NCAM2: variants seen among roughly 807,000 people sequenced by gnomAD.
The protein encoded by NCAM2 is neural cell adhesion molecule 2, also known as N-CAM-2.
A neutral mutation model predicts 98.1 loss-of-function variants in NCAM2; 30 were observed. The observed-to-expected ratio is 0.31, with a 90% CI of 0.23 to 0.41. The LOEUF (loss-of-function observed/expected upper bound fraction) is 0.41, where lower values mean the gene tolerates loss of function less well. NCAM2 is among the 10% of genes least tolerant of loss of function. The probability of loss-of-function intolerance (pLI) is 1.00; values close to 1 mark genes in which losing one functional copy is unlikely to be tolerated. For synonymous variants in NCAM2, 368 were observed against 342.4 expected (o/e 1.07, Z -0.83); for missense variants, 867 against 1,005.8 (o/e 0.86, Z 1.87).
chr21:21,100,083 G>A (rs2066209518), intron 1 of NCAM2, among the ~76,000 whole-genome samples: 1 of 151,848 alleles, frequency 6.6e-6, no homozygotes, highest in South Asian at 2.1e-4. Context: ...GCCAAAAACA[G>A]CAAAGAAAAT....
chr21:21,262,183 A>C (rs867404327), intron 1 of NCAM2, among the ~76,000 whole-genome samples: 2 of 152,152 alleles, frequency 1.3e-5, no homozygotes, highest in South Asian at 4.1e-4. Context: ...TGAACAGAAC[A>C]ATAACAAGTT....
chr21:21,455,751 G>A (rs146743967), intron 12 of NCAM2, among the ~76,000 whole-genome samples: 9 of 151,896 alleles, frequency 5.9e-5, no homozygotes, highest in African/African-American at 1.9e-4. Flanking sequence ...TAAATAACTT[G>A]AAAATGAAAA....
intron 2 of NCAM2, among the ~76,000 whole-genome samples, chr21:21,280,992 T>C (rs980348719): frequency 6.6e-6 from 1 of 152,082 alleles, no homozygotes; most frequent in Non-Finnish European, 1.5e-5. Flanking sequence ...GGTTTCACCA[T>C]GTTGGCCAGG....
intron 1 of NCAM2, among the ~76,000 whole-genome samples, chr21:21,149,427 C>T (rs75502797): frequency 0.022 from 3,351 of 152,120 alleles, 65 homozygotes; most frequent in Admixed American, 0.052. Flanking sequence ...ACCTTAAGTT[C>T]TGGGATACAT....
At chr21:21,438,124 T>A (rs1978666168) in intron 12 of NCAM2, among the ~76,000 whole-genome samples, 1 of 152,174 alleles carries the variant, frequency 6.6e-6, no homozygotes. Flanking sequence ...ATCTTTTCCC[T>A]CTGAGCAGCT....
In NCAM2 at chr21:21,290,873, G is replaced by A. The variant is rs370940319; in HGVS notation, c.482-1231G>A. Among the ~76,000 whole-genome samples the A allele has an allele frequency of 5.3e-5, 8 of 151,890 alleles. 1 individual carries two copies. Among genetic ancestry groups the A allele is most frequent in the African/African-American group, 1.9e-4 (8 of 41,472 alleles). On this transcript the variant is annotated intron_variant, in intron 4 of 17. Coordinates refer to ENST00000400546, the MANE Select transcript of NCAM2 (RefSeq NM_004540.5). ...TGGCCTACTACCCTAGCAGTTTATG[G>A]CTCACTCATGCAAAGTCCAGTTGGC...
At chr21:21,148,977 TC>T (rs2067368267) in intron 1 of NCAM2, among the ~76,000 whole-genome samples, 1 of 152,154 alleles carries the variant, frequency 6.6e-6, no homozygotes, top group Non-Finnish European at 1.5e-5. Flanking sequence ...ATTACTAATG[TC>T]CCTTTTCAAA....
At chr21:21,081,814 A>G (rs1454307701) in intron 1 of NCAM2, among the ~76,000 whole-genome samples, 1 of 151,698 alleles carries the variant, frequency 6.6e-6, no homozygotes, top group Non-Finnish European at 1.5e-5. Context: ...GAAAAAGAAA[A>G]AAAAAGAAAA....
intron 15 of NCAM2, among the ~76,000 whole-genome samples, chr21:21,499,889 G>A (rs1390895736): frequency 1.3e-5 from 2 of 151,988 alleles, no homozygotes; most frequent in Admixed American, 6.6e-5. Flanking sequence ...CACAAAATGG[G>A]TGAAAAATAT....
At chr21:21,105,995 A>G (rs2066336857) in intron 1 of NCAM2, among the ~76,000 whole-genome samples, 1 of 152,122 alleles carries the variant, frequency 6.6e-6, no homozygotes, top group African/African-American at 2.4e-5. Flanking sequence ...ATCTATATAT[A>G]TAAGTGTAAA....
rs113618333 is a variant in NCAM2 at position 21,003,124 on chromosome 21, T to G, written c.55+4506T>G. Among the ~76,000 whole-genome samples the G allele has an allele frequency of 4.3e-3, 655 of 152,242 alleles. 4 individuals are homozygous for G. The highest frequency in any genetic ancestry group is 0.014 in the African/African-American group (599 of 41,548). On this transcript the variant is annotated intron_variant, in intron 1 of 17. Coordinates refer to ENST00000400546, the MANE Select transcript of NCAM2 (RefSeq NM_004540.5). ...TAAGAGTACTAATCACAAATAGATA[T>G]CAACATATTTCCTAGTTTTCTATGT...
intron 1 of NCAM2, among the ~76,000 whole-genome samples, chr21:21,257,120 A>G (rs1380395963): frequency 6.6e-6 from 1 of 152,188 alleles, no homozygotes; most frequent in Non-Finnish European, 1.5e-5. Flanking sequence ...TCTTTGTACT[A>G]TTTCAGTCTT....
intron 1 of NCAM2, among the ~76,000 whole-genome samples, chr21:21,201,948 T>C (rs893879175): frequency 2.0e-5 from 3 of 152,144 alleles, no homozygotes; most frequent in Admixed American, 6.5e-5. Context: ...TTCCAGGTGG[T>C]CTAACTGTAT....
chr21:21,088,436 G>A (rs959986831), intron 1 of NCAM2, among the ~76,000 whole-genome samples: 5 of 152,036 alleles, frequency 3.3e-5, no homozygotes, highest in African/African-American at 1.2e-4. Context: ...AAATATGCTG[G>A]GTTGGGATTC....
chr21:21,037,542 G>T (rs924759424), intron 1 of NCAM2, among the ~76,000 whole-genome samples: 4 of 152,128 alleles, frequency 2.6e-5, no homozygotes, highest in Admixed American at 6.5e-5. Context: ...ATAATTCTTA[G>T]TAATAAGAAA....
intron 15 of NCAM2, among the ~76,000 whole-genome samples, chr21:21,508,113 TG>T (rs1386193099): frequency 5.3e-5 from 8 of 152,188 alleles, no homozygotes; most frequent in Admixed American, 2.0e-4. Flanking sequence ...TTATGTCTTT[TG>T]GGATTTCCTG....
intron 1 of NCAM2, among the ~76,000 whole-genome samples, chr21:21,172,661 C>T (rs2068161821): frequency 1.3e-5 from 2 of 152,076 alleles, no homozygotes; most frequent in Admixed American, 6.6e-5. Flanking sequence ...TTTTCTCTTA[C>T]TTACTAAATG....
At chr21:21,259,919 AACACACACACACACAC>A (rs10618210) in intron 1 of NCAM2, among the ~76,000 whole-genome samples, 34,718 of 141,996 alleles carry the variant, frequency 0.24, 4,883 homozygotes, top group Non-Finnish European at 0.32. Flanking sequence ...AATAAGAAGC[AACACACACACACACAC>A]ACACACACAC....
At chr21:21,501,684 G>A (rs1411731639) in intron 15 of NCAM2, among the ~76,000 whole-genome samples, 1 of 150,336 alleles carries the variant, frequency 6.7e-6, no homozygotes, top group African/African-American at 2.4e-5. Context: ...TTCTTAAGTA[G>A]CTGTCAATTC....
Sources: allele counts gnomAD v4.1 joint callset (sites outside exome capture counted in the v4.1 genomes callset), GRCh38; gene constraint gnomAD v4.1.1; transcripts MANE v1.5; gene names NCBI Gene and HGNC (gene_info 2026-07-23, HGNC 2026-07-21).